Variants in RPGRIP1 observed in about 807,000 individuals in gnomAD.
RPGRIP1 encodes RPGR interacting protein 1.
A neutral mutation model predicts 157.9 loss-of-function variants in RPGRIP1; 128 were observed. The ratio of observed to expected loss-of-function variants is 0.81; its 90% CI spans 0.70 to 0.94. The LOEUF is 0.94. Among genes scored for constraint, RPGRIP1 ranks in the 40% least tolerant of loss-of-function variants. RPGRIP1 has a pLI of 0.00. For synonymous variants in RPGRIP1, 554 were observed against 571.6 expected (o/e 0.97, Z 0.44); for missense variants, 1,486 against 1,545.8 (o/e 0.96, Z 0.65).
chr14:21,316,933 A>G (rs1881844338), intron 10 of RPGRIP1, among the ~76,000 whole-genome samples: 1 of 152,032 alleles, frequency 6.6e-6, no homozygotes, highest in Non-Finnish European at 1.5e-5. Context: ...CAGCACAGCC[A>G]ACATTGTAAA....
chr14:21,307,997 C>T (rs1445704475), intron 7 of RPGRIP1, among the ~76,000 whole-genome samples, 161 bp downstream of exon 7: 1 of 152,214 alleles, frequency 6.6e-6, no homozygotes, highest in East Asian at 1.9e-4. Flanking sequence ...CCAAGCCTCA[C>T]AACTCGGAGT....
intron 2 of RPGRIP1, among the ~76,000 whole-genome samples, chr14:21,291,490 T>G (rs1243265130): frequency 6.6e-6 from 1 of 152,146 alleles, no homozygotes; most frequent in Non-Finnish European, 1.5e-5. Flanking sequence ...TTTACAAGTT[T>G]ATTTTATGAA....
chr14:21,290,735 C>T (rs995081437), intron 2 of RPGRIP1, among the ~76,000 whole-genome samples: 3 of 151,508 alleles, frequency 2.0e-5, no homozygotes, highest in South Asian at 2.1e-4. Context: ...AGGAGAATGG[C>T]GTGAACCCGG....
At chr14:21,349,800 C>T (rs1457070437) in intron 24 of RPGRIP1, among the ~76,000 whole-genome samples, 1 of 152,210 alleles carries the variant, frequency 6.6e-6, no homozygotes, top group Non-Finnish European at 1.5e-5. Flanking sequence ...CTGCCTTCTT[C>T]TTAAATCCTT....
intron 6 of RPGRIP1, among the ~76,000 whole-genome samples, chr14:21,304,735 A>G (rs1008631770): frequency 6.6e-6 from 1 of 151,974 alleles, no homozygotes; most frequent in Non-Finnish European, 1.5e-5. Context: ...GTGAAACTAC[A>G]TTGACACATC....
intron 17 of RPGRIP1, among the ~76,000 whole-genome samples, chr14:21,327,053 T>C (rs1415462131): frequency 6.6e-6 from 1 of 152,064 alleles, no homozygotes. Flanking sequence ...AACAACCATA[T>C]TTAACAAGAT....
At chr14:21,336,724 T>C (rs1241111674) in intron 21 of RPGRIP1, among the ~76,000 whole-genome samples, 1 of 152,182 alleles carries the variant, frequency 6.6e-6, no homozygotes, top group Non-Finnish European at 1.5e-5. Flanking sequence ...TGTACAGGAT[T>C]ATTGAGTTAG....
At chr14:21,295,478 ATTTTTT>A (rs11342361) in intron 3 of RPGRIP1, among the ~76,000 whole-genome samples, 27 of 116,554 alleles carry the variant, frequency 2.3e-4, no homozygotes, top group African/African-American at 8.4e-4. Flanking sequence ...TATTTTTGAG[ATTTTTT>A]TTTTTTTTTT....
intron 24 of RPGRIP1, among the ~76,000 whole-genome samples, chr14:21,349,434 CT>C (rs1885937526): frequency 1.0e-5 from 1 of 97,754 alleles, no homozygotes; most frequent in African/African-American, 4.0e-5. Flanking sequence ...GAGTCTTGCT[CT>C]TGTTGCCCAG....
At chr14:21,329,540 C>T (rs1274853722) in intron 19 of RPGRIP1, among the ~76,000 whole-genome samples, 3 of 144,886 alleles carry the variant, frequency 2.1e-5, no homozygotes, top group East Asian at 4.3e-4. Context: ...CTTGCTCTGT[C>T]GCCCAGGCCA....
intron 22 of RPGRIP1, among the ~76,000 whole-genome samples, chr14:21,343,866 G>GTTTTTTTTTTTTTTTTTTTTTTT (rs67535379): frequency 5.9e-5 from 3 of 50,440 alleles, no homozygotes; most frequent in African/African-American, 7.7e-5. Context: ...CTCTTTTCCT[G>GTTTTTTTTTTTTTTTTTTTTTTT]TTTTTTTTTT....
chr14:21,338,945 C>T (rs1884690199), intron 21 of RPGRIP1, among the ~76,000 whole-genome samples: 1 of 151,584 alleles, frequency 6.6e-6, no homozygotes, highest in African/African-American at 2.4e-5. Flanking sequence ...TCGAGACAAG[C>T]CTGGCCAACA....
At chr14:21,328,232 A>G (rs1425187246) in intron 18 of RPGRIP1, among the ~76,000 whole-genome samples, 192 bp from the exon 19 acceptor site, 2 of 152,084 alleles carry the variant, frequency 1.3e-5, no homozygotes, top group African/African-American at 4.8e-5. Flanking sequence ...CTTAATATAT[A>G]TCCCTCATAA....
intron 6 of RPGRIP1, among the ~76,000 whole-genome samples, chr14:21,305,926 C>T (rs760033237): frequency 4.0e-5 from 6 of 151,750 alleles, no homozygotes; most frequent in African/African-American, 9.7e-5. Context: ...TCTGAGATTC[C>T]CTTTCAATTA....
intron 9 of RPGRIP1, 80 bp from the exon 10 acceptor site, chr14:21,312,353 C>T: frequency 1.1e-6 from 1 of 941,692 alleles, no homozygotes; most frequent in Non-Finnish European, 1.6e-6. Context: ...ACCCACGCCC[C>T]TCCCTGCCAT....
intron 6 of RPGRIP1, 129 bp from the exon 7 acceptor site, chr14:21,307,602 G>A (rs2139168703): frequency 1.6e-6 from 1 of 638,696 alleles, no homozygotes; most frequent in Admixed American, 2.7e-5. Flanking sequence ...ACATACTTGT[G>A]TTCTAGTGTG....
intron 3 of RPGRIP1, among the ~76,000 whole-genome samples, chr14:21,298,331 C>G (rs998819845): frequency 1.3e-5 from 2 of 152,038 alleles, no homozygotes; most frequent in Admixed American, 1.3e-4. Flanking sequence ...GAAACCCCGT[C>G]TCTTCTAAAA....
At chr14:21,299,093 G>T (rs909086142) in intron 3 of RPGRIP1, among the ~76,000 whole-genome samples, 1 of 150,450 alleles carries the variant, frequency 6.6e-6, no homozygotes, top group African/African-American at 2.4e-5. Flanking sequence ...TCGGCTCACC[G>T]CAACCTCCGC....
chr14:21,341,113 A>C (rs1195526253), intron 21 of RPGRIP1, among the ~76,000 whole-genome samples: 1 of 152,008 alleles, frequency 6.6e-6, no homozygotes, highest in African/African-American at 2.4e-5. Flanking sequence ...TGGCACTGCA[A>C]CCTCCACCTC....
Sources: gnomAD v4.1 joint callset for allele counts (sites outside exome capture counted in the v4.1 genomes callset) on GRCh38, gnomAD v4.1.1 for gene constraint, MANE v1.5 for transcripts, NCBI Gene and HGNC (gene_info 2026-07-23, HGNC 2026-07-21) for gene names.